TPCN2: variants seen among roughly 807,000 people sequenced by gnomAD.
TPCN2 encodes two pore channel protein 2.
Under a neutral mutation model 111.4 loss-of-function variants are expected in TPCN2, and 92 were observed. The observed-to-expected ratio is 0.83, with a 90% CI of 0.70 to 0.98. The LOEUF (loss-of-function observed/expected upper bound fraction) is 0.98. Among genes scored for constraint, TPCN2 ranks in the 50% least tolerant of loss-of-function variants. The pLI is 0.00. For missense variants in TPCN2, 995 were observed against 980.1 expected (o/e 1.02, Z -0.20); for synonymous variants, 405 against 414.5 (o/e 0.98, Z 0.28).
At chr11:69,060,884 C>G (rs894755742) in intron 5 of TPCN2, among the ~76,000 whole-genome samples, 2 of 152,196 alleles carry the variant, frequency 1.3e-5, no homozygotes, top group Non-Finnish European at 2.9e-5. Flanking sequence ...GCTGGGCGCA[C>G]AGGGCAGGGG....
chr11:69,072,912 C>G lies in TPCN2; in HGVS notation c.1144-3C>G, dbSNP rs1855600946. On this transcript the variant is annotated splice_polypyrimidine_tract_variant and splice_region_variant and intron_variant, in intron 12 of 24. Coordinates refer to ENST00000294309, the MANE Select transcript of TPCN2 (RefSeq NM_139075.4). ...CTGCTGACCTGTGCTCCTTCCTGTG[C>G]AGAAGGTGCGTTCCTATGGCAGTGT... is the stretch of plus-strand genomic sequence containing the variant. 2.5e-6 allele frequency: 4 copies of G among 1,608,580 alleles called. No individual in the cohort carries two copies. The highest frequency in any genetic ancestry group is 2.6e-6 in the Non-Finnish European group (3 of 1,174,932).
At chr11:69,071,237 C>T (rs1855522528) in intron 9 of TPCN2, 119 bp from the exon 10 acceptor site, 5 of 754,392 alleles carry the variant, frequency 6.6e-6, no homozygotes, top group African/African-American at 1.7e-5. Flanking sequence ...GCTGGCCAGG[C>T]CATGTTTCCA....
chr11:69,076,239 C>T lies in TPCN2; in HGVS notation c.1231-2243C>T, dbSNP rs558810731. On this transcript the variant is annotated intron_variant, in intron 13 of 24. Transcript: ENST00000294309. ...ATGCAGAGACGTTCACTGGCTTCCCCGGGCTGCGGTTGGTTTGTGGTCACT... is the reference window on the plus strand; with the variant it reads ...ATGCAGAGACGTTCACTGGCTTCCCTGGGCTGCGGTTGGTTTGTGGTCACT... Among the ~76,000 whole-genome samples, 16 of 152,218 alleles carry T rather than the reference C, an allele frequency of 1.1e-4. No homozygotes were observed. The East Asian group carries it at 2.5e-3, about 24-fold the overall frequency.
chr11:69,087,167 C>G lies in TPCN2; in HGVS notation c.2141C>G (p.Pro714Arg). 1 of 1,613,936 alleles carries G rather than the reference C, an allele frequency of 6.2e-7. No individual in the cohort carries two copies. Among genetic ancestry groups the G allele is most frequent in the Non-Finnish European group, 8.5e-7 (1 of 1,179,894 alleles). ...CACCTGCAGCCCCTTGCTGGGACCC[C>G]AGAGGCCACCTACCAGATGACTGTG... ...RSHLQPLAGT[P>R]EATYQMTVEL... The change falls in exon 24 of 25, where the codon CCA becomes CGA. Residue 714 changes from proline to arginine, a missense_variant. Transcript: ENST00000294309.
In TPCN2 at chr11:69,054,106, C is replaced by T. The variant is rs1431586092; in HGVS notation, c.174+9C>T. ...TCGAAGATGCTATTCAGGTCGGTGG[C>T]ACCTGCTCCCTGTGGCCGGGCCTGG... On this transcript the variant is annotated intron_variant, in intron 2 of 24. Coordinates refer to ENST00000294309, the MANE Select transcript of TPCN2 (RefSeq NM_139075.4). 4.3e-6 allele frequency: 7 copies of T among 1,611,846 alleles called. No homozygotes were observed. Among genetic ancestry groups the T allele is most frequent in the Non-Finnish European group, 3.4e-6 (4 of 1,179,460 alleles).
intron 5 of TPCN2, among the ~76,000 whole-genome samples, chr11:69,060,212 G>A (rs1281520904): frequency 2.0e-5 from 3 of 152,312 alleles, no homozygotes; most frequent in Admixed American, 6.5e-5. Context: ...CCACACAGGG[G>A]ACTGCCCAAC....
chr11:69,066,251 C>T (rs902953737), intron 7 of TPCN2, among the ~76,000 whole-genome samples: 18 of 152,190 alleles, frequency 1.2e-4, no homozygotes, highest in African/African-American at 3.6e-4. Flanking sequence ...CTGCCGTCCC[C>T]GGTGACTGCT....
intron 22 of TPCN2, 82 bp downstream of exon 22, chr11:69,086,012 T>C (rs1388887144): frequency 8.7e-6 from 12 of 1,372,324 alleles, no homozygotes; most frequent in Admixed American, 3.8e-5. Context: ...GCATCTGCAC[T>C]GGACGCCCGG....
At chr11:69,078,440 G>A in intron 13 of TPCN2, 42 bp from the exon 14 acceptor site, 4 of 1,608,220 alleles carry the variant, frequency 2.5e-6, no homozygotes, top group Non-Finnish European at 3.4e-6. Context: ...AACAGCCACG[G>A]CTGCTGGCCT....
At chr11:69,077,244 TCC>T (rs1855824777) in intron 13 of TPCN2, among the ~76,000 whole-genome samples, 1 of 96,512 alleles carries the variant, frequency 1.0e-5, no homozygotes, top group Non-Finnish European at 2.4e-5. Flanking sequence ...CCACCTGCCC[TCC>T]TGCCACGTCC....
In TPCN2 at chr11:69,088,951, A is replaced by T. The variant is rs1007666622; in HGVS notation, c.*998A>T. On this transcript the variant is annotated 3_prime_UTR_variant, in exon 25 of 25. Transcript: ENST00000294309. ...GCAACTCCCAGAAACAACTCCGGGG[A>T]CACCACTCCCCATCACACTCCACAC... 9.2e-5 allele frequency: 14 copies of T among 152,116 alleles called. No individual in the cohort carries two copies. The highest frequency in any genetic ancestry group is 3.4e-4 in the African/African-American group (14 of 41,408). The allele number at this position is 152,116 out of a possible 1,614,324, so 9.4% of individuals were successfully genotyped here. A position where few individuals can be genotyped will look rare whatever the true frequency, so the allele number is the denominator to read the frequency against.
At chr11:69,071,120 TTCACCCCAGGGATCCCC>T (rs1565088177) in intron 9 of TPCN2, among the ~76,000 whole-genome samples, 1 of 137,094 alleles carries the variant, frequency 7.3e-6, no homozygotes, top group African/African-American at 2.8e-5. Flanking sequence ...CACCAACAGC[TTCACCCCAGGGATCCCC>T]CACCAACAGC....
intron 22 of TPCN2, among the ~76,000 whole-genome samples, chr11:69,086,206 G>T (rs908818647): frequency 1.3e-5 from 2 of 152,184 alleles, no homozygotes; most frequent in African/African-American, 4.8e-5. Flanking sequence ...TTCCATGGGG[G>T]TGGGGGAGCC....
At chr11:69,071,239 A>G (rs929124150) in intron 9 of TPCN2, 117 bp from the exon 10 acceptor site, 14 of 757,564 alleles carry the variant, frequency 1.8e-5, no homozygotes, top group Non-Finnish European at 2.8e-5. Context: ...TGGCCAGGCC[A>G]TGTTTCCATT....
chr11:69,075,408 T>C (rs768173034), intron 13 of TPCN2, among the ~76,000 whole-genome samples: 2 of 152,200 alleles, frequency 1.3e-5, no homozygotes, highest in African/African-American at 2.4e-5. Context: ...CTAGACTACT[T>C]GGAATACCTA....
Position 69,088,190 on chromosome 11 carries a change from C to A in TPCN2, c.*237C>A. 1 of 533,170 alleles carries A rather than the reference C, an allele frequency of 1.9e-6. No individual in the cohort carries two copies. Among genetic ancestry groups the A allele is most frequent in the Non-Finnish European group, 3.4e-6 (1 of 298,488 alleles). The allele number at this position is 533,170 out of a possible 1,614,324, so 33.0% of individuals were successfully genotyped here. On this transcript the variant is annotated 3_prime_UTR_variant, in exon 25 of 25. Transcript: ENST00000294309. Reference sequence around the variant, plus strand: ...TGCCCTCCGCTTTCTTTTATAGCTGCTTCAGTGAGAATTCCCTCGTCGACT... The same window carrying A: ...TGCCCTCCGCTTTCTTTTATAGCTGATTCAGTGAGAATTCCCTCGTCGACT...
chr11:69,059,223 G>A (rs1227286165), intron 5 of TPCN2, among the ~76,000 whole-genome samples: 2 of 152,074 alleles, frequency 1.3e-5, no homozygotes, highest in African/African-American at 4.8e-5. Flanking sequence ...GGAGTAAGAG[G>A]TGGCCCAGAG....
intron 5 of TPCN2, among the ~76,000 whole-genome samples, chr11:69,059,382 C>T (rs1050191050): frequency 2.0e-5 from 3 of 152,210 alleles, no homozygotes; most frequent in Admixed American, 1.3e-4. Context: ...GTGGATATTT[C>T]CAGAGCGGGG....
At chr11:69,085,343 G>GGGGGGGGGGGGGGGA in intron 20 of TPCN2, 57 bp downstream of exon 20, 2 of 581,802 alleles carry the variant, frequency 3.4e-6, no homozygotes, top group Non-Finnish European at 3.4e-6. Flanking sequence ...GGGTGGGCGG[G>GGGGGGGGGGGGGGGA]AAGCCTTGGC....
Sources: allele counts gnomAD v4.1 joint callset (sites outside exome capture counted in the v4.1 genomes callset), GRCh38; gene constraint gnomAD v4.1.1; transcripts MANE v1.5; gene names NCBI Gene and HGNC (gene_info 2026-07-23, HGNC 2026-07-21).